The following AGBL1 variants were observed in gnomAD, a reference collection of about 807,000 sequenced individuals.
AGBL1 encodes the protein AGBL carboxypeptidase 1.
AGBL1 carries 130 observed loss-of-function variants against 118.9 expected under a neutral mutation model. The observed-to-expected ratio is 1.09, with a 90% CI of 0.95 to 1.26. AGBL1 has a LOEUF of 1.26. Ranked by LOEUF, AGBL1 falls within the 50% of genes most tolerant of loss-of-function variation. AGBL1 has a pLI of 0.00. For missense variants in AGBL1, 1,584 were observed against 1,298.1 expected, an observed-to-expected ratio of 1.22 and a Z score of -3.38; for synonymous variants, 555 against 478.9, an observed-to-expected ratio of 1.16 and a Z score of -2.08.
intron 18 of AGBL1, among the ~76,000 whole-genome samples, chr15:86,483,811 C>T (rs2082681836): frequency 6.6e-6 from 1 of 152,124 alleles, no homozygotes; most frequent in Non-Finnish European, 1.5e-5. Context: ...CAAACTTCTG[C>T]ATCCCTACAA....
chr15:86,314,407 A>G (rs976533369), intron 17 of AGBL1, among the ~76,000 whole-genome samples: 4 of 152,192 alleles, frequency 2.6e-5, no homozygotes, highest in Non-Finnish European at 4.4e-5. Context: ...ATGAATTCAC[A>G]TTAAAAAAGG....
intron 22 of AGBL1, among the ~76,000 whole-genome samples, chr15:86,900,289 T>C (rs927124193): frequency 6.6e-6 from 1 of 152,180 alleles, no homozygotes; most frequent in Non-Finnish European, 1.5e-5. Context: ...TATATCCATC[T>C]ATCCTATTAG....
In AGBL1 at chr15:86,154,416, A is replaced by T. The variant is rs749202050; in HGVS notation, c.263-14A>T. 1 of 1,609,864 alleles carries T rather than the reference A, an allele frequency of 6.2e-7. No individual in the cohort carries two copies. Among genetic ancestry groups the T allele is most frequent in the Non-Finnish European group, 8.5e-7 (1 of 1,178,028 alleles). The stretch of plus-strand genomic sequence containing the variant: ...TGTGAAGTGCAACTAAGATAGATTG[A>T]TTTGTGTTCTTAGATAAAAAGATTG... On this transcript the variant is annotated splice_polypyrimidine_tract_variant and intron_variant, in intron 3 of 22. Transcript: ENST00000614907.
chr15:86,378,913 TC>T (rs1253081640), intron 17 of AGBL1, among the ~76,000 whole-genome samples: 3 of 150,758 alleles, frequency 2.0e-5, no homozygotes, highest in African/African-American at 4.9e-5. Context: ...TTTTTTTTTT[TC>T]TTTTTTTCTT....
intron 3 of AGBL1, 97 bp from the exon 4 acceptor site, chr15:86,154,333 C>A: frequency 7.3e-7 from 1 of 1,360,794 alleles, no homozygotes; most frequent in Non-Finnish European, 9.9e-7. Flanking sequence ...TATGATTATC[C>A]TCCTCCTTCA....
At position 86,907,790 on chromosome 15, in the gene AGBL1, G is replaced by A. The variant is rs1488811658; in HGVS notation, c.*496G>A. On this transcript the variant is annotated 3_prime_UTR_variant, in exon 23 of 23. Transcript: ENST00000614907. The stretch of plus-strand genomic sequence containing the variant: ...AAACCACTGAGACTCTGGGGATCCT[G>A]GCAGGGTCTTCAGGTGCTGGGGCTT... 6.6e-6 allele frequency: 1 copy of A among 152,184 alleles called. No homozygotes were observed. The highest frequency in any genetic ancestry group is 1.5e-5 in the Non-Finnish European group (1 of 68,044). 9.4% of individuals were successfully genotyped at this position (152,184 alleles called of 1,614,324 possible). A position where few individuals can be genotyped will look rare whatever the true frequency, so the allele number is the denominator to read the frequency against.
At chr15:86,140,520 A>G (rs7164974) in intron 1 of AGBL1, among the ~76,000 whole-genome samples, 4,534 of 152,230 alleles carry the variant, frequency 0.03, 88 homozygotes, top group Middle Eastern at 0.085. Flanking sequence ...ATATACACAA[A>G]ACTTGATTTC....
intron 16 of AGBL1, among the ~76,000 whole-genome samples, chr15:86,286,735 G>GTATGTGTATATATATATA (rs2079457877): frequency 9.4e-6 from 1 of 106,252 alleles, no homozygotes; most frequent in African/African-American, 3.9e-5. Context: ...GTTTGTGTGT[G>GTATGTGTATATATATATA]TATATATATA....
chr15:86,949,613 A>G (rs2080858212), intron 23 of AGBL1, among the ~76,000 whole-genome samples: 1 of 152,142 alleles, frequency 6.6e-6, no homozygotes, highest in African/African-American at 2.4e-5. Flanking sequence ...TTACATAATA[A>G]CAAAAGGGTC....
chr15:86,765,167 G>C (rs75740492), intron 22 of AGBL1, among the ~76,000 whole-genome samples: 171 of 152,008 alleles, frequency 1.1e-3, no homozygotes, highest in Non-Finnish European at 1.6e-3. Flanking sequence ...ATACAGACCC[G>C]GAAGCAGAGA....
intron 17 of AGBL1, among the ~76,000 whole-genome samples, chr15:86,352,568 G>A (rs1298193149): frequency 6.6e-6 from 1 of 151,444 alleles, no homozygotes; most frequent in African/African-American, 2.4e-5. Context: ...TGCAACCTCT[G>A]CCTCCCGGGT....
At chr15:86,247,637 C>G in intron 6 of AGBL1, 34 bp from the exon 7 acceptor site, 1 of 1,560,784 alleles carries the variant, frequency 6.4e-7, no homozygotes. Flanking sequence ...TGTGGAGAGC[C>G]TGTGACTGAC....
chr15:86,600,874 A>C (rs2469175), intron 21 of AGBL1, among the ~76,000 whole-genome samples: 142,387 of 152,212 alleles, frequency 0.94, 66,625 homozygotes, highest in East Asian at 1. Flanking sequence ...TCTAAACACT[A>C]CTGCAGTATA....
chr15:86,387,505 G>T (rs539032737), intron 17 of AGBL1, among the ~76,000 whole-genome samples: 2 of 152,104 alleles, frequency 1.3e-5, no homozygotes, highest in Non-Finnish European at 2.9e-5. Context: ...TTGTAGTAAC[G>T]CAGTGAAGAA....
chr15:86,796,248 T>C (rs1247595240), intron 22 of AGBL1, among the ~76,000 whole-genome samples: 1 of 152,162 alleles, frequency 6.6e-6, no homozygotes, highest in Non-Finnish European at 1.5e-5. Context: ...AAGAGATGAG[T>C]TGGATGACTA....
In AGBL1 at chr15:86,131,552, G is replaced by A. The variant is rs956021325; in HGVS notation, c.52-10452G>A. The stretch of plus-strand genomic sequence containing the variant: ...TTCTCTTGGCCTCAATTTCCTTATC[G>A]TTATGATAAGAATAATGATATCTAA... On this transcript the variant is annotated intron_variant, in intron 1 of 22. Transcript: ENST00000614907. 4.0e-5 allele frequency among the ~76,000 whole-genome samples: 6 copies of A among 151,878 alleles called. No homozygotes were observed. The East Asian group carries it at 7.7e-4, about 20-fold the overall frequency.
At chr15:86,858,643 C>T (rs1036207511) in intron 22 of AGBL1, among the ~76,000 whole-genome samples, 7 of 152,334 alleles carry the variant, frequency 4.6e-5, no homozygotes, top group East Asian at 3.9e-4. Context: ...CCCCCTTGCT[C>T]TCTAAGAGCT....
intron 22 of AGBL1, among the ~76,000 whole-genome samples, chr15:86,847,583 A>T (rs983376474): frequency 3.3e-5 from 5 of 152,236 alleles, no homozygotes; most frequent in African/African-American, 1.2e-4. Flanking sequence ...ATAGCTTAGT[A>T]ATTAAACAAT....
chr15:86,880,322 C>G (rs1266753999), intron 22 of AGBL1, among the ~76,000 whole-genome samples: 1 of 152,096 alleles, frequency 6.6e-6, no homozygotes, highest in Non-Finnish European at 1.5e-5. Flanking sequence ...TGGGAGCTGC[C>G]ATTCATGTGA....
Sources: allele counts gnomAD v4.1 joint callset (sites outside exome capture counted in the v4.1 genomes callset), GRCh38; gene constraint gnomAD v4.1.1; transcripts MANE v1.5; gene names NCBI Gene and HGNC (gene_info 2026-07-23, HGNC 2026-07-21).